NTN1: variants seen among roughly 807,000 people sequenced by gnomAD.
NTN1 encodes the protein netrin 1, also known as netrin-1.
NTN1 carries 11 observed loss-of-function variants against 54.2 expected under a neutral mutation model. The observed-to-expected ratio is 0.20, with a 90% CI of 0.13 to 0.34. The LOEUF is 0.34. NTN1 is among the 10% of genes least tolerant of loss of function. The pLI, the probability that NTN1 is intolerant of heterozygous loss-of-function variation, is 1.00. For missense variants in NTN1, 740 were observed against 893.1 expected, an observed-to-expected ratio of 0.83 and a Z score of 2.18; for synonymous variants, 371 against 382.0, an observed-to-expected ratio of 0.97 and a Z score of 0.33.
At position 9,135,462 on chromosome 17, in the gene NTN1, C is replaced by G. The variant is rs2092277897; in HGVS notation, c.1019-27351C>G. Reference sequence around the variant, plus strand: ...CCTATTCTCGGGTTGTCTCCTGTTCCCAGCAATAGTTCATTCGCCACTGTC... The same window carrying G: ...CCTATTCTCGGGTTGTCTCCTGTTCGCAGCAATAGTTCATTCGCCACTGTC... On this transcript the variant is annotated intron_variant, in intron 2 of 6. Coordinates refer to ENST00000173229, the MANE Select transcript of NTN1 (RefSeq NM_004822.3). This position sits in a 1 kb window ranked among gnomAD's most constrained non-coding sequence, Gnocchi z 4.4. 6.6e-6 allele frequency among the ~76,000 whole-genome samples: 1 copy of G among 152,204 alleles called. No individual in the cohort carries two copies. The highest frequency in any genetic ancestry group is 1.5e-5 in the Non-Finnish European group (1 of 68,040).
intron 2 of NTN1, among the ~76,000 whole-genome samples, chr17:9,088,815 A>T (rs1224347268): frequency 6.6e-6 from 1 of 152,212 alleles, no homozygotes; most frequent in Non-Finnish European, 1.5e-5. Context: ...TCCTTCCAGT[A>T]TCAAGAGTCT....
chr17:9,077,073 T>C (rs1227717002), intron 2 of NTN1, among the ~76,000 whole-genome samples: 3 of 152,136 alleles, frequency 2.0e-5, no homozygotes, highest in Non-Finnish European at 4.4e-5. Flanking sequence ...TTGGCTGTGG[T>C]CTCATGTCTT....
intron 2 of NTN1, among the ~76,000 whole-genome samples, chr17:9,103,901 C>G (rs2092157814): frequency 6.6e-6 from 1 of 151,868 alleles, no homozygotes; most frequent in Non-Finnish European, 1.5e-5. Flanking sequence ...GCCTGACCAA[C>G]TTGGCGAAAC....
At chr17:9,188,025 T>C (rs1478569429) in intron 5 of NTN1, among the ~76,000 whole-genome samples, 2 of 152,242 alleles carry the variant, frequency 1.3e-5, no homozygotes, top group African/African-American at 4.8e-5. Context: ...GGCTGTTTAA[T>C]AGGTACAGGT....
Position 9,239,304 on chromosome 17 carries a change from C to A in NTN1, c.1487-336C>A, listed in dbSNP as rs1906103457. ...GCCAGCACTGCTCTCACCCGAGCGC[C>A]TGCCCTGGGCAGACAGCTTGCCCAG... On this transcript the variant is annotated intron_variant, in intron 6 of 6. Transcript: ENST00000173229. This position sits in a 1 kb window ranked among gnomAD's most constrained non-coding sequence, Gnocchi z 5.2. Among the ~76,000 whole-genome samples, 1 of 152,218 alleles carries A rather than the reference C, an allele frequency of 6.6e-6. No individual in the cohort carries two copies. Among genetic ancestry groups the A allele is most frequent in the African/African-American group, 2.4e-5 (1 of 41,466 alleles).
At chr17:9,004,604 CCGCCGCAGCCCTAATCCAGAGGACCG>C in the NTN1 span, among the ~76,000 whole-genome samples, 1 of 152,232 alleles carries the variant, frequency 6.6e-6, no homozygotes, top group African/African-American at 2.4e-5. Context: ...TCGTGCGCTC[CCGCCGCAGCCCTAATCCAGAGGACCG>C]CGCCGCGCCA....
At chr17:9,163,381 G>A (rs1444861861) in intron 3 of NTN1, among the ~76,000 whole-genome samples, 1 of 151,780 alleles carries the variant, frequency 6.6e-6, no homozygotes, top group South Asian at 2.1e-4. Flanking sequence ...AGTCATGTTC[G>A]CCAGGCTTAC....
intron 2 of NTN1, among the ~76,000 whole-genome samples, chr17:9,029,436 C>G (rs144476089): frequency 6.6e-6 from 1 of 152,028 alleles, no homozygotes; most frequent in Non-Finnish European, 1.5e-5. Flanking sequence ...GTATCAGGAG[C>G]GTTTGCTTGG....
intron 5 of NTN1, among the ~76,000 whole-genome samples, chr17:9,200,094 C>T (rs1421435558): frequency 2.0e-5 from 3 of 152,372 alleles, no homozygotes; most frequent in East Asian, 3.9e-4. Context: ...GTGGACGTTA[C>T]AGGACTACAA....
chr17:9,080,876 C>T (rs1380280610), intron 2 of NTN1, among the ~76,000 whole-genome samples: 1 of 152,214 alleles, frequency 6.6e-6, no homozygotes, highest in East Asian at 1.9e-4. Flanking sequence ...CCAGGGAGGG[C>T]ATGGAAGCTC....
intron 3 of NTN1, chr17:9,176,711 A>C (rs76528413): frequency 6.6e-6 from 1 of 152,208 alleles, no homozygotes; most frequent in Admixed American, 6.5e-5. Context: ...CACTGGGTAC[A>C]GGTAACAGAA....
intron 5 of NTN1, among the ~76,000 whole-genome samples, chr17:9,185,746 T>C (rs12602314): frequency 0.19 from 28,767 of 152,078 alleles, 3,089 homozygotes; most frequent in East Asian, 0.43. Flanking sequence ...ACCTGCCTTC[T>C]CTCCCTGTAC....
intron 2 of NTN1, among the ~76,000 whole-genome samples, chr17:9,118,631 G>T (rs1442008734): frequency 6.6e-6 from 1 of 152,142 alleles, no homozygotes; most frequent in Non-Finnish European, 1.5e-5. Flanking sequence ...TCAGCACTCA[G>T]TCCCCATTTC....
At chr17:9,203,104 C>G (rs544492528) in intron 5 of NTN1, among the ~76,000 whole-genome samples, 5 of 151,872 alleles carry the variant, frequency 3.3e-5, no homozygotes, top group African/African-American at 4.8e-5. Flanking sequence ...TTTATTTTTA[C>G]TAGAGATGGG....
Position 9,237,660 on chromosome 17 carries a change from C to T in NTN1, c.1487-1980C>T, listed in dbSNP as rs139040740. On this transcript the variant is annotated intron_variant, in intron 6 of 6. Transcript: ENST00000173229. Reference sequence around the variant, plus strand: ...TACAAGGGGTCCGAGGTGTCCAGCACGGCAGAAACAGCCATATCCCGAGCT... The same window carrying T: ...TACAAGGGGTCCGAGGTGTCCAGCATGGCAGAAACAGCCATATCCCGAGCT... Among the ~76,000 whole-genome samples the T allele has an allele frequency of 9.2e-3, 1,408 of 152,250 alleles. 21 individuals are homozygous for T. The highest frequency in any genetic ancestry group is 0.031 in the African/African-American group (1,282 of 41,538).
At chr17:9,109,886 A>G (rs899370349) in intron 2 of NTN1, among the ~76,000 whole-genome samples, 2 of 152,154 alleles carry the variant, frequency 1.3e-5, no homozygotes, top group Non-Finnish European at 2.9e-5. Context: ...GCATCTTTTC[A>G]TATGTTTATT....
At chr17:9,208,744 A>G in intron 5 of NTN1, among the ~76,000 whole-genome samples, 1 of 152,180 alleles carries the variant, frequency 6.6e-6, no homozygotes, top group Non-Finnish European at 1.5e-5. Context: ...CCAGGGGAGG[A>G]GTAGACGCCC....
chr17:9,152,083 G>A (rs972106125), intron 2 of NTN1, among the ~76,000 whole-genome samples: 3 of 152,194 alleles, frequency 2.0e-5, no homozygotes, highest in Admixed American at 6.5e-5. Context: ...ATCCACTCGG[G>A]TCACCTTCCA....
intron 2 of NTN1, among the ~76,000 whole-genome samples, chr17:9,041,204 G>A (rs893284368): frequency 2.0e-5 from 3 of 152,004 alleles, no homozygotes; most frequent in African/African-American, 7.3e-5. Context: ...TGATTTCTGA[G>A]GTATAATTCA....
Sources: gnomAD v4.1 joint callset for allele counts (sites outside exome capture counted in the v4.1 genomes callset) on GRCh38, gnomAD v4.1.1 for gene constraint, Gnocchi (gnomAD v3.1) non-coding constraint, MANE v1.5 for transcripts, NCBI Gene and HGNC (gene_info 2026-07-23, HGNC 2026-07-21) for gene names.